CEP192: variants seen among roughly 807,000 people sequenced by gnomAD.
The protein encoded by CEP192 is centrosomal protein 192, also known as centrosomal protein of 192 kDa.
A neutral mutation model predicts 271.8 loss-of-function variants in CEP192; 151 were observed. That is an observed-to-expected ratio of 0.56 (90% CI 0.49 to 0.64). CEP192 has a LOEUF of 0.64. CEP192 is among the 30% of genes least tolerant of loss of function. The probability of loss-of-function intolerance (pLI) is 0.00; values close to 1 mark genes in which losing one functional copy is unlikely to be tolerated. For synonymous variants in CEP192, 995 were observed against 1,076.5 expected (o/e 0.92, Z 1.48); for missense variants, 2,910 against 3,020.5 (o/e 0.96, Z 0.86).
chr18:13,003,674 C>T (rs2033802487), intron 3 of CEP192, among the ~76,000 whole-genome samples: 1 of 152,034 alleles, frequency 6.6e-6, no homozygotes, highest in Non-Finnish European at 1.5e-5. Flanking sequence ...CACTAGAGGG[C>T]TCCATCTGAA....
In CEP192 at chr18:13,105,014, G is replaced by A. The variant is rs760287190; in HGVS notation, c.6982G>A (p.Ala2328Thr). The A allele has an allele frequency of 4.3e-6, 7 of 1,614,026 alleles. No individual in the cohort carries two copies. The South Asian group carries it at 7.7e-5, about 18-fold the overall frequency. The change falls in exon 40 of 45, where the codon GCT becomes ACT. Residue 2328 changes from alanine (A) to threonine (T), a missense_variant. Coordinates refer to ENST00000506447, the MANE Select transcript of CEP192 (RefSeq NM_032142.4). Reference protein sequence around the residue: ...GVDESGDVFRATYAAFRCSPI... With the variant: ...GVDESGDVFRTTYAAFRCSPI... The stretch of plus-strand genomic sequence containing the variant: ...TGATGAAAGTGGAGATGTTTTTAGA[G>A]CTACCTATGCAGCATTCAGATGTTC...
intron 39 of CEP192, among the ~76,000 whole-genome samples, chr18:13,104,571 C>T (rs1484090538): frequency 6.6e-6 from 1 of 152,066 alleles, no homozygotes; most frequent in Non-Finnish European, 1.5e-5. Flanking sequence ...ATGATTACGC[C>T]ACTGCACACC....
intron 35 of CEP192, among the ~76,000 whole-genome samples, 178 bp downstream of exon 35, chr18:13,095,859 G>A (rs1284071623): frequency 6.6e-6 from 1 of 152,146 alleles, no homozygotes; most frequent in Non-Finnish European, 1.5e-5. Flanking sequence ...CAGAGTCCTT[G>A]TCCCAGGGCC....
chr18:13,001,592 TA>T lies in CEP192; in HGVS notation c.290+11del. 1.3e-6 allele frequency: 2 copies of T among 1,543,144 alleles called. No individual in the cohort carries two copies. The highest frequency in any genetic ancestry group is 1.7e-6 in the Non-Finnish European group (2 of 1,144,790). ...GCTTCCAGGATGATGAGTAAGTTCA[TA>T]CCTTCATTTGCTTGTACTGTGTTAA... is the stretch of plus-strand genomic sequence containing the variant. On this transcript the variant is annotated intron_variant, in intron 3 of 44. Transcript: ENST00000506447.
chr18:12,992,649 T>C (rs2032942143), intron 1 of CEP192, among the ~76,000 whole-genome samples: 1 of 152,228 alleles, frequency 6.6e-6, no homozygotes, highest in South Asian at 2.1e-4. Flanking sequence ...GTTATGTCCA[T>C]GAATGGTTTA....
At position 13,049,406 on chromosome 18, in the gene CEP192, A is replaced by C. The variant is rs375596491; in HGVS notation, c.2615A>C (p.Asn872Thr). 6.2e-7 allele frequency: 1 copy of C among 1,614,148 alleles called. No homozygotes were observed. Among genetic ancestry groups the C allele is most frequent in the Non-Finnish European group, 8.5e-7 (1 of 1,180,018 alleles). ...NSSNSVTNRENNSAVVDVKTC... is the reference protein window; with the variant it reads ...NSSNSVTNRETNSAVVDVKTC... ...TCAAATTCAGTTACAAATAGAGAGA[A>C]TAACAGTGCAGTAGTTGATGTGAAG... Residue 872 changes from asparagine (N) to threonine (T), a missense_variant, in exon 16 of 45, where the codon AAT becomes ACT. By Grantham distance (65) the Asn-to-Thr change is moderately conservative. Transcript: ENST00000506447.
At chr18:13,097,339 T>C (rs1194226289) in intron 36 of CEP192, among the ~76,000 whole-genome samples, 2 of 152,226 alleles carry the variant, frequency 1.3e-5, no homozygotes, top group Non-Finnish European at 1.5e-5. Context: ...TGTCCACTTA[T>C]AAACTCTTCT....
rs368997588 is a variant in CEP192 at position 13,087,146 on chromosome 18, C to T, written c.5746C>T (p.Arg1916Cys). The change falls in exon 31 of 45, where the codon CGC becomes TGC. Residue 1916 changes from arginine (R) to cysteine (C), a missense_variant. Physicochemically the swap from Arg to Cys is radical, Grantham distance 180 (BLOSUM62 -3). Transcript: ENST00000506447. ...GKESKIVFSV[R>C]NTGSRAAFVK... ...AGAAAGTAAAATTGTTTTTTCTGTC[C>T]GCAACACTGGCTCCCGAGCAGCTTT... 9.3e-6 allele frequency: 15 copies of T among 1,613,972 alleles called. No homozygotes were observed. Among genetic ancestry groups the T allele is most frequent in the African/African-American group, 2.7e-5 (2 of 74,992 alleles).
At chr18:13,034,673 G>T (rs2035818337) in intron 11 of CEP192, among the ~76,000 whole-genome samples, 1 of 151,704 alleles carries the variant, frequency 6.6e-6, no homozygotes, top group South Asian at 2.1e-4. Flanking sequence ...AAAATTAGCT[G>T]GGTGTGGTGG....
At chr18:13,039,188 C>T (rs2036069215) in intron 13 of CEP192, among the ~76,000 whole-genome samples, 1 of 152,152 alleles carries the variant, frequency 6.6e-6, no homozygotes, top group African/African-American at 2.4e-5. Context: ...AGCGCAGTGG[C>T]TCACACCTGT....
chr18:13,042,835 C>A (rs1358970031), intron 15 of CEP192, among the ~76,000 whole-genome samples: 2 of 152,034 alleles, frequency 1.3e-5, no homozygotes, highest in Non-Finnish European at 2.9e-5. Flanking sequence ...GCTTTTATAT[C>A]CATTTGTATT....
chr18:13,017,062 A>G, intron 6 of CEP192, 126 bp from the exon 7 acceptor site: 6 of 671,920 alleles, frequency 8.9e-6, no homozygotes, highest in Non-Finnish European at 1.5e-5. Flanking sequence ...TTCTCATGTC[A>G]AACAAAAAAG....
At chr18:13,013,469 T>C (rs957777838) in intron 5 of CEP192, among the ~76,000 whole-genome samples, 18 of 152,334 alleles carry the variant, frequency 1.2e-4, no homozygotes, top group Admixed American at 1.1e-3. Flanking sequence ...GCCTATACTC[T>C]TAACACTTGT....
chr18:13,092,203 C>T (rs1330250985), intron 33 of CEP192, among the ~76,000 whole-genome samples, 174 bp from the exon 34 acceptor site: 1 of 152,190 alleles, frequency 6.6e-6, no homozygotes, highest in Non-Finnish European at 1.5e-5. Flanking sequence ...CTGTCAGCCA[C>T]TGGTGCTGAA....
Position 13,042,229 on chromosome 18 carries a change from A to G in CEP192, c.1962A>G (p.Ala654=). The change falls in exon 15 of 45, where the codon GCA becomes GCG. Residue 654 remains alanine, a synonymous_variant. Transcript: ENST00000506447. ...GAGATTTAAATGAACAGTCCCAGGCACAGCTAAGTGAAGGATCAATTACAC... is the reference window on the plus strand; with the variant it reads ...GAGATTTAAATGAACAGTCCCAGGCGCAGCTAAGTGAAGGATCAATTACAC... ...YSGDLNEQSQ[A]QLSEGSITLQ... 1 of 1,613,156 alleles carries G rather than the reference A, an allele frequency of 6.2e-7. No individual in the cohort carries two copies. The highest frequency in any genetic ancestry group is 8.5e-7 in the Non-Finnish European group (1 of 1,179,126).
At chr18:13,039,757 A>G (rs2036106261) in intron 13 of CEP192, among the ~76,000 whole-genome samples, 1 of 152,204 alleles carries the variant, frequency 6.6e-6, no homozygotes, top group Non-Finnish European at 1.5e-5. Context: ...GTGCCAGCCC[A>G]TCTCCAGGTG....
At chr18:13,026,410 G>A (rs1417259972) in intron 9 of CEP192, among the ~76,000 whole-genome samples, 1 of 152,022 alleles carries the variant, frequency 6.6e-6, no homozygotes, top group Non-Finnish European at 1.5e-5. Flanking sequence ...TTGGAGTTCT[G>A]TGAGCTTCCC....
At position 13,057,641 on chromosome 18, in the gene CEP192, G is replaced by A. The variant is rs780960416; in HGVS notation, c.4165G>A (p.Ala1389Thr). ...TCCTCATGCTTGCTGTGTCGGGATC[G>A]CTTCCCAGACCCTCCTCAGTGTGCT... ...KLPHACCVGI[A>T]SQTLLSVLNP... The change falls in exon 20 of 45, where the codon GCT becomes ACT. Residue 1389 changes from alanine to threonine, a missense_variant. Transcript: ENST00000506447. 23 of 1,613,968 alleles carry A rather than the reference G, an allele frequency of 1.4e-5. No homozygotes were observed. The highest frequency in any genetic ancestry group is 3.3e-5 in the Admixed American group (2 of 59,994).
At chr18:13,028,285 T>G (rs2035418408) in intron 9 of CEP192, among the ~76,000 whole-genome samples, 1 of 152,224 alleles carries the variant, frequency 6.6e-6, no homozygotes, top group Non-Finnish European at 1.5e-5. Flanking sequence ...TCAAGATCCT[T>G]AAGTTAATTA....
Sources: gnomAD v4.1 joint callset for allele counts (sites outside exome capture counted in the v4.1 genomes callset) on GRCh38, gnomAD v4.1.1 for gene constraint, MANE v1.5 for transcripts, NCBI Gene and HGNC (gene_info 2026-07-23, HGNC 2026-07-21) for gene names.